Variants in CPN1 observed in about 807,000 individuals in gnomAD.
CPN1 encodes carboxypeptidase N subunit 1.
CPN1 carries 37 observed loss-of-function variants against 46.4 expected under a neutral mutation model. That is an observed-to-expected ratio of 0.80 (90% CI 0.61 to 1.05). The LOEUF (loss-of-function observed/expected upper bound fraction) is 1.05. Among genes scored for constraint, CPN1 ranks in the 50% least tolerant of loss-of-function variants. The pLI is 0.00. For synonymous variants in CPN1, 224 were observed against 235.4 expected (o/e 0.95, Z 0.44); for missense variants, 563 against 602.6 (o/e 0.93, Z 0.69).
At chr10:100,066,682 G>A (rs1300584297) in intron 3 of CPN1, among the ~76,000 whole-genome samples, 1 of 152,212 alleles carries the variant, frequency 6.6e-6, no homozygotes, top group East Asian at 1.9e-4. Flanking sequence ...CTCCTCTCAG[G>A]ATGAACAAGT....
intron 7 of CPN1, among the ~76,000 whole-genome samples, chr10:100,052,522 T>C (rs1387615929): frequency 6.6e-6 from 1 of 151,982 alleles, no homozygotes; most frequent in African/African-American, 2.4e-5. Context: ...CAGCAATATA[T>C]GTTGATTGGC....
At chr10:100,045,270 T>C (rs1350642720) in intron 8 of CPN1, among the ~76,000 whole-genome samples, 1 of 152,212 alleles carries the variant, frequency 6.6e-6, no homozygotes, top group African/African-American at 2.4e-5. Context: ...GTGCAGTTGT[T>C]TGAATTTGGC....
chr10:100,070,159 C>T (rs1234934105), intron 2 of CPN1, among the ~76,000 whole-genome samples: 1 of 151,674 alleles, frequency 6.6e-6, no homozygotes, highest in African/African-American at 2.4e-5. Context: ...AACTCCTGGG[C>T]TCAAGTGATC....
intron 1 of CPN1, among the ~76,000 whole-genome samples, chr10:100,077,376 G>A (rs1004571071): frequency 6.6e-6 from 1 of 151,860 alleles, no homozygotes; most frequent in Non-Finnish European, 1.5e-5. Flanking sequence ...GACTACAGGT[G>A]CCTGCCACCA....
intron 1 of CPN1, among the ~76,000 whole-genome samples, 165 bp from the exon 2 acceptor site, chr10:100,076,272 C>A (rs551887166): frequency 6.6e-6 from 1 of 152,304 alleles, no homozygotes; most frequent in South Asian, 2.1e-4. Flanking sequence ...ATTACAGTTA[C>A]AAAACCTACA....
At chr10:100,043,668 C>CT (rs1042151059) in intron 8 of CPN1, among the ~76,000 whole-genome samples, 15 of 128,868 alleles carry the variant, frequency 1.2e-4, no homozygotes, top group South Asian at 2.4e-4. Flanking sequence ...TTTTACTTTT[C>CT]TTTTTTTTTT....
intron 5 of CPN1, among the ~76,000 whole-genome samples, chr10:100,061,983 G>A (rs2041421354): frequency 6.6e-6 from 1 of 152,170 alleles, no homozygotes; most frequent in East Asian, 1.9e-4. Flanking sequence ...TGAGATTACA[G>A]GTATGAGCCA....
rs554703332 is a variant in CPN1, at chr10:100,044,796, C to T, written c.1231-2223G>A. Among the ~76,000 whole-genome samples, 20 of 152,148 alleles carry T rather than the reference C, an allele frequency of 1.3e-4. No individual in the cohort carries two copies. The East Asian group carries it at 1.9e-3, about 15-fold the overall frequency. ...CACAATCTCGGCTCACTGCAACCTC[C>T]GCCCCCTGGGTTCAAGCAATTCTCT... On this transcript the variant is annotated intron_variant, in intron 8 of 8. Coordinates refer to ENST00000370418, the MANE Select transcript of CPN1 (RefSeq NM_001308.3).
intron 5 of CPN1, among the ~76,000 whole-genome samples, chr10:100,062,138 A>T (rs1029158447): frequency 6.6e-6 from 1 of 152,330 alleles, no homozygotes; most frequent in African/African-American, 2.4e-5. Context: ...TGCCTGGGCC[A>T]TGGCCAGGTC....
At chr10:100,079,492 C>A (rs58874577) in intron 1 of CPN1, among the ~76,000 whole-genome samples, 5,369 of 152,328 alleles carry the variant, frequency 0.035, 323 homozygotes, top group African/African-American at 0.12. Context: ...AACAAGGGGG[C>A]TTGGAGTGTT....
At chr10:100,068,213 CTTT>C (rs565871714) in intron 3 of CPN1, among the ~76,000 whole-genome samples, 5,211 of 127,164 alleles carry the variant, frequency 0.041, 113 homozygotes, top group African/African-American at 0.075. Flanking sequence ...ATTCCCTGAA[CTTT>C]TTTTTTTTTT....
rs756320173 is a variant in CPN1, at chr10:100,069,751, T to C, written c.539A>G (p.Asn180Ser). 3 of 1,613,970 alleles carry C rather than the reference T, an allele frequency of 1.9e-6. No individual in the cohort carries two copies. The highest frequency in any genetic ancestry group is 2.5e-6 in the Non-Finnish European group (3 of 1,180,000). Reference protein sequence around the residue: ...IYYNEKYGGPNHHLPLPDNWK... With the variant: ...IYYNEKYGGPSHHLPLPDNWK... ...GTTGTCTGGAAGGGGCAGGTGGTGG[T>C]TGGGGCCTCCGTACTTCTCGTTATA... Residue 180 changes from asparagine (N) to serine (S), a missense_variant, in exon 3 of 9, where the codon AAC (asparagine) becomes AGC (serine). Physicochemically the swap from Asn to Ser is conservative, Grantham distance 46. Coordinates refer to ENST00000370418, the MANE Select transcript of CPN1 (RefSeq NM_001308.3).
chr10:100,067,013 T>A (rs2041458230), intron 3 of CPN1, among the ~76,000 whole-genome samples: 1 of 152,214 alleles, frequency 6.6e-6, no homozygotes, highest in Admixed American at 6.5e-5. Context: ...AGTGGGAGCC[T>A]AGTTATCATT....
At chr10:100,046,584 C>T (rs1287496089) in intron 8 of CPN1, among the ~76,000 whole-genome samples, 3 of 151,794 alleles carry the variant, frequency 2.0e-5, no homozygotes, top group Admixed American at 2.0e-4. Flanking sequence ...ACCAGCCTGG[C>T]CAACATGGTG....
chr10:100,044,042 G>A (rs1269972011), intron 8 of CPN1, among the ~76,000 whole-genome samples: 2 of 152,052 alleles, frequency 1.3e-5, no homozygotes. Flanking sequence ...TCCCACCCTT[G>A]GAACAGCTTG....
rs2041544520 is a variant in CPN1, at chr10:100,081,399, T to TTA, written c.223+2_223+3dup. The stretch of plus-strand genomic sequence containing the variant: ...CACACCCTCAAGAGCTGTTCAGAAC[T>TTA]TACAGGGCTCGTGGATTCCAGGGTG... On this transcript the variant is annotated splice_donor_region_variant and intron_variant, in intron 1 of 8. Coordinates refer to ENST00000370418, the MANE Select transcript of CPN1 (RefSeq NM_001308.3). The TTA allele has an allele frequency of 8.1e-6, 13 of 1,611,390 alleles. No individual in the cohort carries two copies. Among genetic ancestry groups the TTA allele is most frequent in the African/African-American group, 1.3e-5 (1 of 74,802 alleles).
intron 4 of CPN1, among the ~76,000 whole-genome samples, chr10:100,064,079 G>T (rs189322090): frequency 2.8e-4 from 42 of 152,168 alleles, no homozygotes; most frequent in African/African-American, 8.9e-4. Flanking sequence ...GATATTGAAG[G>T]TCCCTTGTTT....
intron 6 of CPN1, among the ~76,000 whole-genome samples, chr10:100,056,716 T>A (rs1230683538): frequency 7.0e-6 from 1 of 142,206 alleles, no homozygotes; most frequent in Non-Finnish European, 1.5e-5. Context: ...TGCTTGGCTA[T>A]CTTTTTTTTT....
chr10:100,057,755 G>A (rs1036556995), intron 5 of CPN1, among the ~76,000 whole-genome samples: 2 of 152,048 alleles, frequency 1.3e-5, no homozygotes, highest in African/African-American at 4.8e-5. Context: ...AGTATTTTTA[G>A]TTGGGTGATG....
Sources: gnomAD v4.1 joint callset for allele counts (sites outside exome capture counted in the v4.1 genomes callset) on GRCh38, gnomAD v4.1.1 for gene constraint, MANE v1.5 for transcripts, NCBI Gene and HGNC (gene_info 2026-07-23, HGNC 2026-07-21) for gene names.